Variants in TMF1 observed in about 807,000 individuals in gnomAD.
The protein encoded by TMF1 is TATA element modulatory factor.
TMF1 carries 71 observed loss-of-function variants against 126.5 expected under a neutral mutation model. That is an observed-to-expected ratio of 0.56 (90% CI 0.46 to 0.68). The LOEUF (loss-of-function observed/expected upper bound fraction) is 0.68, where lower values mean the gene tolerates loss of function less well. Among genes scored for constraint, TMF1 ranks in the 30% least tolerant of loss-of-function variants. The pLI is 0.00. For synonymous variants in TMF1, 461 were observed against 430.5 expected (o/e 1.07, Z -0.88); for missense variants, 1,259 against 1,253.2 (o/e 1.00, Z -0.07).
intron 9 of TMF1, 58 bp from the exon 10 acceptor site, chr3:69,033,762 C>T (rs2091817729): frequency 6.9e-7 from 1 of 1,441,386 alleles, no homozygotes; most frequent in South Asian, 1.4e-5. Flanking sequence ...ATTAAAAACA[C>T]TAGCAAACCT....
rs1320049749 is a variant in TMF1 at position 69,048,533 on chromosome 3, C to G, written c.172G>C (p.Asp58His). ...GATTTCAACCCCCAGGTTGAAGTAT[C>G]CCATCCTCCACTGACAGGGGAACTT... Reference protein sequence around the residue: ...GISSPVSGGWDTSTWGLKSNT... With the variant: ...GISSPVSGGWHTSTWGLKSNT... The change falls in exon 2 of 17, where the codon GAT (aspartate) becomes CAT (histidine). Residue 58 changes from aspartate (D) to histidine (H), a missense_variant. Asp to His is a moderately conservative substitution (Grantham distance 81). Coordinates refer to ENST00000398559, the MANE Select transcript of TMF1 (RefSeq NM_007114.3). 7 of 1,609,940 alleles carry G rather than the reference C, an allele frequency of 4.3e-6. No homozygotes were observed. The South Asian group carries it at 5.5e-5, about 13-fold the overall frequency.
At chr3:69,043,004 A>G (rs2091876501) in intron 4 of TMF1, 92 bp from the exon 5 acceptor site, 1 of 882,668 alleles carries the variant, frequency 1.1e-6, no homozygotes, top group South Asian at 1.6e-5. Flanking sequence ...AGCTGTCCAT[A>G]ATCACATTTG....
At chr3:69,029,007 C>T (rs180717062) in intron 11 of TMF1, among the ~76,000 whole-genome samples, 1 of 151,940 alleles carries the variant, frequency 6.6e-6, no homozygotes, top group African/African-American at 2.4e-5. Flanking sequence ...AATCCCAGTA[C>T]TATCTTCTTG....
In TMF1 at chr3:69,029,962, G is replaced by A; in HGVS notation, c.2447C>T (p.Ala816Val). The A allele has an allele frequency of 1.9e-6, 3 of 1,613,958 alleles. No individual in the cohort carries two copies. Among genetic ancestry groups the A allele is most frequent in the African/African-American group, 1.3e-5 (1 of 75,016 alleles). The stretch of plus-strand genomic sequence containing the variant: ...GTTAGCAAGGAGTTCTTCTGTAGCT[G>A]CACGTTCTCTCTCAACTGCTGCTGC... ...LLAAAVERER[A>V]ATEELLANKI... The change falls in exon 11 of 17, where the codon GCA becomes GTA. Residue 816 changes from alanine (A) to valine (V), a missense_variant. Transcript: ENST00000398559.
rs2091753672 is a variant in TMF1, at chr3:69,024,147, T to C, written c.3046A>G (p.Ile1016Val). 6.2e-7 allele frequency: 1 copy of C among 1,608,480 alleles called. No homozygotes were observed. Among genetic ancestry groups the C allele is most frequent in the Non-Finnish European group, 8.5e-7 (1 of 1,177,908 alleles). The change falls in exon 16 of 17, where the codon ATA (isoleucine) becomes GTA (valine). Residue 1016 changes from isoleucine to valine, a missense_variant. Physicochemically the swap from Ile to Val is conservative, Grantham distance 29 (BLOSUM62 3). Transcript: ENST00000398559. ...AATTTAACTAGTTCTTCAGCCATTA[T>C]TGATCGAGTTTTTTCTAGATTGCCA... is the stretch of plus-strand genomic sequence containing the variant. Reference protein sequence around the residue: ...EIGNLEKTRSIMAEELVKLTN... With the variant: ...EIGNLEKTRSVMAEELVKLTN...
chr3:69,029,038 A>ATT lies in TMF1; in HGVS notation c.2595-745_2595-744dup, dbSNP rs1444177025. On this transcript the variant is annotated intron_variant, in intron 11 of 16. Coordinates refer to ENST00000398559, the MANE Select transcript of TMF1 (RefSeq NM_007114.3). ...TCTTGTTATAATATCCTATTACTTTATTTATTTTTTTTTTTTTGGAGACGG... is the reference window on the plus strand; with the variant it reads ...TCTTGTTATAATATCCTATTACTTTATTTTTATTTTTTTTTTTTTGGAGACGG... Among the ~76,000 whole-genome samples, 1,290 of 136,432 alleles carry ATT rather than the reference A, an allele frequency of 9.5e-3. 21 individuals carry two copies. Among genetic ancestry groups the ATT allele is most frequent in the African/African-American group, 0.031 (1,213 of 38,582 alleles). 89.5% of individuals were successfully genotyped at this position (136,432 alleles called of 152,430 possible). A position where few individuals can be genotyped will look rare whatever the true frequency, so the allele number is the denominator to read the frequency against.
rs747135809 is a variant in TMF1 at position 69,048,150 on chromosome 3, C to A, written c.555G>T (p.Ser185=). The A allele has an allele frequency of 1.2e-6, 2 of 1,613,986 alleles. No homozygotes were observed. The highest frequency in any genetic ancestry group is 1.7e-6 in the Non-Finnish European group (2 of 1,180,012). ...GKHEETVNKE[S]DMKVPTVSLK... is the part of the protein sequence containing the mutation. ...AACTTACAGTTGGCACCTTCATATCCGATTCTTTATTAACAGTTTCTTCGT... is the reference window on the plus strand; with the variant it reads ...AACTTACAGTTGGCACCTTCATATCAGATTCTTTATTAACAGTTTCTTCGT... The change falls in exon 2 of 17, where the codon TCG becomes TCT. Residue 185 remains serine (S), a synonymous_variant. Transcript: ENST00000398559.
At chr3:69,028,731 A>T (rs1057437804) in intron 11 of TMF1, among the ~76,000 whole-genome samples, 1 of 152,072 alleles carries the variant, frequency 6.6e-6, no homozygotes, top group Non-Finnish European at 1.5e-5. Flanking sequence ...GGGTTAAAAA[A>T]TACTAACCAT....
rs1398659910 is a variant in TMF1 at position 69,035,124 on chromosome 3, G to A, written c.2152-9C>T. Reference sequence around the variant, plus strand: ...AGCCTAAGGTCCCCCACCTGTAGGAGGAGAAACAATACATTCACAAACAAT... The same window carrying A: ...AGCCTAAGGTCCCCCACCTGTAGGAAGAGAAACAATACATTCACAAACAAT... On this transcript the variant is annotated splice_polypyrimidine_tract_variant and intron_variant, in intron 8 of 16. Transcript: ENST00000398559. The A allele has an allele frequency of 1.9e-6, 3 of 1,610,124 alleles. No homozygotes were observed. The highest frequency in any genetic ancestry group is 2.5e-6 in the Non-Finnish European group (3 of 1,176,920).
intron 12 of TMF1, 83 bp from the exon 13 acceptor site, chr3:69,028,075 A>T (rs1559629307): frequency 1.8e-6 from 2 of 1,115,710 alleles, no homozygotes; most frequent in Admixed American, 2.3e-5. Context: ...AGAAGCATAA[A>T]GTATAAACTC....
chr3:69,026,118 C>G, intron 13 of TMF1, 21 bp from the exon 14 acceptor site: 1 of 1,536,248 alleles, frequency 6.5e-7, no homozygotes, highest in South Asian at 1.1e-5. Context: ...AAAAAAAATT[C>G]TGTTCATATT....
intron 10 of TMF1, among the ~76,000 whole-genome samples, chr3:69,032,858 G>A (rs552181575): frequency 4.4e-4 from 67 of 152,114 alleles, no homozygotes; most frequent in African/African-American, 1.6e-3. Context: ...TGATCCACCC[G>A]CCTAGGCCTC....
intron 1 of TMF1, among the ~76,000 whole-genome samples, chr3:69,050,041 C>A (rs2091917718): frequency 6.6e-6 from 1 of 151,990 alleles, no homozygotes; most frequent in South Asian, 2.1e-4. Flanking sequence ...GGGCGGACCA[C>A]CTGAGGTCAG....
intron 12 of TMF1, 28 bp downstream of exon 12, chr3:69,028,198 A>C: frequency 6.3e-7 from 1 of 1,584,848 alleles, no homozygotes; most frequent in Non-Finnish European, 8.7e-7. Flanking sequence ...GTATGCCCTA[A>C]GAGCTGAGTG....
At position 69,039,703 on chromosome 3, in the gene TMF1, G is replaced by A; in HGVS notation, c.1685-10C>T. ...TTTGAAAGTTTTTCTCCTGGTGATG[G>A]TAAAGAAGTATAAACTCAAATGATA... On this transcript the variant is annotated splice_polypyrimidine_tract_variant and intron_variant, in intron 5 of 16. Coordinates refer to ENST00000398559, the MANE Select transcript of TMF1 (RefSeq NM_007114.3). 2.5e-6 allele frequency: 4 copies of A among 1,605,960 alleles called. No individual in the cohort carries two copies. Among genetic ancestry groups the A allele is most frequent in the Non-Finnish European group, 2.5e-6 (3 of 1,177,704 alleles).
intron 3 of TMF1, among the ~76,000 whole-genome samples, chr3:69,044,124 A>G (rs1192546866): frequency 1.3e-5 from 2 of 152,204 alleles, no homozygotes; most frequent in East Asian, 3.8e-4. Context: ...TAAAAATAAG[A>G]GAAGAGTAAA....
chr3:69,028,254 C>G lies in TMF1; in HGVS notation c.2636G>C (p.Arg879Thr). Residue 879 changes from arginine to threonine, a missense_variant, in exon 12 of 17, where the codon AGA (arginine) becomes ACA (threonine). By Grantham distance (71) the Arg-to-Thr change is moderately conservative. Coordinates refer to ENST00000398559, the MANE Select transcript of TMF1 (RefSeq NM_007114.3). ...TTCTTTCCTCGTCTCTTCAAGTGTT[C>G]TTACATATTCATCTTTTAGGTTTTC... ...ELENLKDEYV[R>T]TLEETRKEKT... The G allele has an allele frequency of 6.2e-7, 1 of 1,613,286 alleles. No homozygotes were observed. The highest frequency in any genetic ancestry group is 8.5e-7 in the Non-Finnish European group (1 of 1,179,566).
intron 10 of TMF1, among the ~76,000 whole-genome samples, chr3:69,031,074 C>T (rs934278004): frequency 1.3e-5 from 2 of 152,164 alleles, no homozygotes; most frequent in Admixed American, 1.3e-4. Context: ...AAAGACTAAA[C>T]TACCGATACA....
chr3:69,039,448 G>A, intron 6 of TMF1, 103 bp downstream of exon 6: 2 of 1,271,042 alleles, frequency 1.6e-6, no homozygotes, highest in Non-Finnish European at 1.1e-6. Flanking sequence ...CTTCTTACAT[G>A]ATATACCCCA....
Sources: allele counts gnomAD v4.1 joint callset (sites outside exome capture counted in the v4.1 genomes callset), GRCh38; gene constraint gnomAD v4.1.1; transcripts MANE v1.5; gene names NCBI Gene and HGNC (gene_info 2026-07-23, HGNC 2026-07-21).